Variants in NIPBL observed in about 807,000 individuals in gnomAD.
NIPBL encodes nipped-B-like protein.
NIPBL carries 19 observed loss-of-function variants against 321.8 expected under a neutral mutation model. The observed-to-expected ratio is 0.06, with a 90% confidence interval of 0.04 to 0.09. The LOEUF is 0.09. NIPBL is among the 10% of genes least tolerant of loss of function. The probability of loss-of-function intolerance (pLI) is 1.00; values close to 1 mark genes in which losing one functional copy is unlikely to be tolerated. For missense variants in NIPBL, 2,210 were observed against 3,327.0 expected (o/e 0.66, Z 8.26); for synonymous variants, 1,106 against 1,114.1 (o/e 0.99, Z 0.14).
At chr5:36,889,514 T>C (rs957314277) in intron 1 of NIPBL, among the ~76,000 whole-genome samples, 8 of 152,172 alleles carry the variant, frequency 5.3e-5, no homozygotes, top group African/African-American at 1.7e-4. Flanking sequence ...AGGGTGCCAC[T>C]GCACTGTCCT....
intron 1 of NIPBL, among the ~76,000 whole-genome samples, chr5:36,887,699 A>T (rs747481776): frequency 6.6e-6 from 1 of 152,080 alleles, no homozygotes; most frequent in Admixed American, 6.6e-5. Context: ...GATCTCATTT[A>T]TTCACATGAC....
intron 1 of NIPBL, among the ~76,000 whole-genome samples, chr5:36,890,794 G>A (rs963291028): frequency 1.3e-5 from 2 of 152,220 alleles, no homozygotes; most frequent in African/African-American, 4.8e-5. Context: ...AGATTGGAAT[G>A]TAAAAAGAAA....
At chr5:36,877,741 G>A (rs1445543959) in intron 1 of NIPBL, among the ~76,000 whole-genome samples, 1 of 152,168 alleles carries the variant, frequency 6.6e-6, no homozygotes, top group Non-Finnish European at 1.5e-5. Context: ...CGGATCCAGT[G>A]GTAATTCTTT....
chr5:37,009,294 T>C (rs918850708), intron 20 of NIPBL, among the ~76,000 whole-genome samples: 4 of 152,140 alleles, frequency 2.6e-5, no homozygotes, highest in African/African-American at 9.7e-5. Flanking sequence ...ACATGGGGAT[T>C]AAATGCTCTT....
chr5:37,063,776 T>C lies in NIPBL; in HGVS notation c.7861-14T>C, dbSNP rs1340764145. 1 of 1,606,062 alleles carries C rather than the reference T, an allele frequency of 6.2e-7. No homozygotes were observed. The highest frequency in any genetic ancestry group is 1.7e-5 in the Admixed American group (1 of 59,066). On this transcript the variant is annotated splice_polypyrimidine_tract_variant and intron_variant, in intron 45 of 46. Coordinates refer to ENST00000282516, the MANE Select transcript of NIPBL (RefSeq NM_133433.4). ...ATTTACTTAAAATTCTGAAATAATA[T>C]CTGTTTTTTGTAGTTCAAACTTCTC...
intron 1 of NIPBL, among the ~76,000 whole-genome samples, chr5:36,905,313 C>A (rs959663425): frequency 6.6e-6 from 1 of 152,116 alleles, no homozygotes; most frequent in African/African-American, 2.4e-5. Context: ...TGTGTTGGTT[C>A]TGACGCAGGA....
chr5:36,917,976 CT>C (rs1748606185), intron 1 of NIPBL, among the ~76,000 whole-genome samples: 1 of 152,108 alleles, frequency 6.6e-6, no homozygotes, highest in African/African-American at 2.4e-5. Flanking sequence ...CAGCTTTGTT[CT>C]TTTGGCTTAG....
chr5:37,000,327 T>A, intron 11 of NIPBL, 46 bp from the exon 12 acceptor site: 2 of 1,577,286 alleles, frequency 1.3e-6, no homozygotes, highest in Non-Finnish European at 1.7e-6. Context: ...GTTTTAATCA[T>A]CTTTTTAAAT....
At chr5:37,057,052 C>A in intron 42 of NIPBL, 134 bp from the exon 43 acceptor site, 2 of 820,050 alleles carry the variant, frequency 2.4e-6, no homozygotes, top group South Asian at 3.0e-5. Context: ...TCCCCACTCT[C>A]TCCGTGTGTG....
intron 6 of NIPBL, among the ~76,000 whole-genome samples, chr5:36,963,513 T>C (rs1741858487): frequency 1.3e-5 from 2 of 151,852 alleles, no homozygotes; most frequent in Non-Finnish European, 2.9e-5. Context: ...ACATTTGAAA[T>C]AGACACAGCC....
intron 1 of NIPBL, among the ~76,000 whole-genome samples, chr5:36,923,469 TGTTA>T (rs1352508885): frequency 2.6e-5 from 4 of 152,170 alleles, no homozygotes; most frequent in African/African-American, 9.7e-5. Context: ...TGAATATTGT[TGTTA>T]GTTATTATTA....
intron 6 of NIPBL, among the ~76,000 whole-genome samples, chr5:36,969,402 C>G (rs906911619): frequency 2.0e-5 from 3 of 152,074 alleles, no homozygotes; most frequent in African/African-American, 7.2e-5. Flanking sequence ...AATATTGGTG[C>G]AGACATGGAA....
At chr5:36,897,536 T>C (rs987828902) in intron 1 of NIPBL, among the ~76,000 whole-genome samples, 1 of 152,204 alleles carries the variant, frequency 6.6e-6, no homozygotes, top group Non-Finnish European at 1.5e-5. Context: ...ATTTCTTATT[T>C]TCTCAATCCT....
chr5:36,913,061 A>G (rs1360633950), intron 1 of NIPBL, among the ~76,000 whole-genome samples: 3 of 152,196 alleles, frequency 2.0e-5, no homozygotes, highest in African/African-American at 7.2e-5. Context: ...AAAGGAGACT[A>G]AAAGAGACGT....
intron 16 of NIPBL, among the ~76,000 whole-genome samples, chr5:37,004,051 C>T (rs1203329720): frequency 6.6e-6 from 1 of 152,100 alleles, no homozygotes; most frequent in Non-Finnish European, 1.5e-5. Flanking sequence ...ATATACATTA[C>T]TCCTTATATA....
At chr5:37,051,677 G>C (rs1311331544) in intron 40 of NIPBL, 102 bp from the exon 41 acceptor site, 4 of 769,338 alleles carry the variant, frequency 5.2e-6, no homozygotes, top group Non-Finnish European at 9.1e-6. Context: ...AGGCCTATAA[G>C]GTTAAATTCA....
rs1045428113 is a variant in NIPBL at position 37,064,986 on chromosome 5, T to C, written c.*94T>C. ...TTCTGGCAAAAAAAAATCAGTTTTATGAAGAGTAAGTGGAACCTGGGATGC... is the reference window on the plus strand; with the variant it reads ...TTCTGGCAAAAAAAAATCAGTTTTACGAAGAGTAAGTGGAACCTGGGATGC... On this transcript the variant is annotated 3_prime_UTR_variant, in exon 47 of 47. Coordinates refer to ENST00000282516, the MANE Select transcript of NIPBL (RefSeq NM_133433.4). The C allele has an allele frequency of 1.2e-5, 18 of 1,511,668 alleles. No individual in the cohort carries two copies. The highest frequency in any genetic ancestry group is 1.5e-5 in the Non-Finnish European group (17 of 1,098,504). The allele number at this position is 1,511,668 out of a possible 1,614,324, so 93.6% of individuals were successfully genotyped here.
chr5:36,876,993 A>AAGG lies in NIPBL; in HGVS notation c.-251_-249dup, dbSNP rs1347733454. 3 of 383,850 alleles carry AAGG rather than the reference A, an allele frequency of 7.8e-6. No individual in the cohort carries two copies. The highest frequency in any genetic ancestry group is 1.4e-5 in the Non-Finnish European group (3 of 217,078). The allele number at this position is 383,850 out of a possible 1,614,324, so 23.8% of individuals were successfully genotyped here. Reference sequence around the variant, plus strand: ...GTTTGTGAGTGTTTCTATGTGGGAGAAGGAGGAGGAGGAGGAAGAAGAAGC... The same window carrying AAGG: ...GTTTGTGAGTGTTTCTATGTGGGAGAAGGAGGAGGAGGAGGAGGAAGAAGAAGC... On this transcript the variant is annotated 5_prime_UTR_variant, in exon 1 of 47. Coordinates refer to ENST00000282516, the MANE Select transcript of NIPBL (RefSeq NM_133433.4).
chr5:36,905,456 T>G (rs1282246671), intron 1 of NIPBL, among the ~76,000 whole-genome samples: 2 of 152,184 alleles, frequency 1.3e-5, no homozygotes, highest in Admixed American at 1.3e-4. Context: ...ATATACTACC[T>G]TCTTAAATTT....
Sources: allele counts gnomAD v4.1 joint callset (sites outside exome capture counted in the v4.1 genomes callset), GRCh38; gene constraint gnomAD v4.1.1; transcripts MANE v1.5; gene names NCBI Gene and HGNC (gene_info 2026-07-23, HGNC 2026-07-21).